MAF: variants seen among roughly 807,000 people sequenced by gnomAD.
The protein encoded by MAF is MAF bZIP transcription factor, also known as transcription factor Maf.
In MAF, 10 loss-of-function variants were observed where a neutral mutation model predicts 22.0. That is an observed-to-expected ratio of 0.45 (90% confidence interval 0.28 to 0.77). MAF has a LOEUF of 0.77. Ranked by LOEUF, MAF falls within the 30% of genes least tolerant of loss-of-function variation. MAF has a pLI of 0.12. For missense variants in MAF, 544 were observed against 548.4 expected (o/e 0.99, Z 0.08); for synonymous variants, 337 against 255.8 (o/e 1.32, Z -3.03).
the MAF span, among the ~76,000 whole-genome samples, chr16:79,332,537 G>C: frequency 2.0e-5 from 3 of 152,198 alleles, no homozygotes; most frequent in Non-Finnish European, 4.4e-5. Flanking sequence ...TGACTTCAAT[G>C]ATCTACCCAC....
At chr16:79,391,254 C>G in the MAF span, among the ~76,000 whole-genome samples, 1 of 152,186 alleles carries the variant, frequency 6.6e-6, no homozygotes, top group African/African-American at 2.4e-5. Flanking sequence ...TAATGACATG[C>G]TTCTCAAGAA....
the MAF span, among the ~76,000 whole-genome samples, chr16:79,492,816 G>A: frequency 2.0e-5 from 3 of 152,180 alleles, no homozygotes; most frequent in Non-Finnish European, 4.4e-5. Flanking sequence ...TCAAAAAACT[G>A]GCAATATTAT....
chr16:79,597,014 C>T lies in MAF; in HGVS notation c.1118+1771G>A, dbSNP rs1362061257. The T allele has an allele frequency of 2.0e-5, 21 of 1,054,364 alleles. 1 individual carries two copies. The highest frequency in any genetic ancestry group is 8.6e-4 in the Middle Eastern group (2 of 2,326). 65.3% of individuals were successfully genotyped at this position (1,054,364 alleles called of 1,614,324 possible). Reference sequence around the variant, plus strand: ...ATACCCCTACAGATATAAACAGGGGCGTTTCCCCTCTTAATACTTTGGTTT... The same window carrying T: ...ATACCCCTACAGATATAAACAGGGGTGTTTCCCCTCTTAATACTTTGGTTT... On this transcript the variant is annotated intron_variant, in intron 1 of 1. Transcript: ENST00000326043.
chr16:79,506,981 TA>T, the MAF span, among the ~76,000 whole-genome samples: 4 of 152,232 alleles, frequency 2.6e-5, no homozygotes, highest in Non-Finnish European at 5.9e-5. Flanking sequence ...ATTCCTTCTG[TA>T]AACCTAAGAC....
chr16:79,478,807 G>C, the MAF span, among the ~76,000 whole-genome samples: 1 of 151,928 alleles, frequency 6.6e-6, no homozygotes, highest in Non-Finnish European at 1.5e-5. Flanking sequence ...CGATACCTGT[G>C]CACCACCCTG....
the MAF span, among the ~76,000 whole-genome samples, chr16:79,462,058 C>G: frequency 1.3e-5 from 2 of 152,158 alleles, no homozygotes; most frequent in East Asian, 1.9e-4. Context: ...GCCACTGGCT[C>G]TCTCTGTTTT....
At chr16:79,229,513 A>C in the MAF span, 2 of 152,112 alleles carry the variant, frequency 1.3e-5, no homozygotes, top group African/African-American at 4.8e-5. Context: ...GGGACTCATA[A>C]AAGTGTCAGA....
At chr16:79,592,148 G>C (rs1913226018), downstream of MAF, among the ~76,000 whole-genome samples, 3 of 152,186 alleles carry the variant, frequency 2.0e-5, no homozygotes, top group Admixed American at 6.5e-5. Flanking sequence ...ATGGTGCAGG[G>C]AACAGGGAGC....
the MAF span, among the ~76,000 whole-genome samples, chr16:79,214,149 ATTCCCC>A: frequency 1.3e-5 from 2 of 151,600 alleles, no homozygotes; most frequent in African/African-American, 2.4e-5. Flanking sequence ...CCCCATTCTT[ATTCCCC>A]TTCCCCTCTA....
At chr16:79,507,176 T>A in the MAF span, among the ~76,000 whole-genome samples, 2 of 149,784 alleles carry the variant, frequency 1.3e-5, no homozygotes, top group Non-Finnish European at 2.9e-5. Flanking sequence ...TGCAGGGGCG[T>A]GATCTCGGCC....
the MAF span, among the ~76,000 whole-genome samples, chr16:79,312,214 C>T: frequency 1.3e-5 from 2 of 152,052 alleles, no homozygotes; most frequent in African/African-American, 2.4e-5. Context: ...GTTGACATTC[C>T]TCCATCATGA....
At chr16:79,598,035 T>C in intron 1 of MAF, 1 of 1,042,074 alleles carries the variant, frequency 9.6e-7, no homozygotes, top group Non-Finnish European at 1.2e-6. Flanking sequence ...TTCTCTATTT[T>C]AGCATAACAA....
At chr16:79,592,524 C>T (rs193061428), downstream of MAF, among the ~76,000 whole-genome samples, 1 of 152,352 alleles carries the variant, frequency 6.6e-6, no homozygotes, top group Non-Finnish European at 1.5e-5. Flanking sequence ...TAAGCAAATG[C>T]TTCAAAACAA....
At chr16:79,460,844 G>C in the MAF span, among the ~76,000 whole-genome samples, 2 of 152,100 alleles carry the variant, frequency 1.3e-5, no homozygotes, top group African/African-American at 4.8e-5. Context: ...ATGGTGAGTG[G>C]CTCTTCCTTC....
the MAF span, among the ~76,000 whole-genome samples, chr16:79,455,202 A>C: frequency 3.3e-5 from 5 of 152,242 alleles, no homozygotes; most frequent in Admixed American, 3.3e-4. Context: ...CATCATACCT[A>C]GACTATCAGT....
the MAF span, among the ~76,000 whole-genome samples, chr16:79,493,388 G>C: frequency 6.6e-6 from 1 of 152,112 alleles, no homozygotes; most frequent in African/African-American, 2.4e-5. Context: ...CACTATCTTG[G>C]CCAGGCTGCT....
downstream of MAF, among the ~76,000 whole-genome samples, chr16:79,582,535 T>C (rs777710441): frequency 4.5e-4 from 69 of 152,362 alleles, no homozygotes; most frequent in South Asian, 1.0e-3. Context: ...CTGCTATAAT[T>C]AATTGATTAA....
At chr16:79,535,806 C>T in the MAF span, among the ~76,000 whole-genome samples, 13 of 152,044 alleles carry the variant, frequency 8.6e-5, no homozygotes, top group African/African-American at 2.9e-4. Context: ...ATCTTGAACT[C>T]CTAACCTCCC....
At chr16:79,477,859 G>A in the MAF span, among the ~76,000 whole-genome samples, 1 of 151,934 alleles carries the variant, frequency 6.6e-6, no homozygotes, top group Non-Finnish European at 1.5e-5. Flanking sequence ...CTAGTAGCTG[G>A]GACTACAGGC....
Sources: gnomAD v4.1 joint callset for allele counts (sites outside exome capture counted in the v4.1 genomes callset) on GRCh38, gnomAD v4.1.1 for gene constraint, MANE v1.5 for transcripts, NCBI Gene and HGNC (gene_info 2026-07-23, HGNC 2026-07-21) for gene names.